Variants in DCDC1 observed in about 807,000 individuals in gnomAD.
DCDC1 encodes the protein doublecortin domain-containing protein 1.
A neutral mutation model predicts 178.3 loss-of-function variants in DCDC1; 200 were observed. The observed-to-expected ratio is 1.12, with a 90% confidence interval of 1.00 to 1.26. The LOEUF (loss-of-function observed/expected upper bound fraction) is 1.26. Among genes scored for constraint, DCDC1 ranks in the 50% most tolerant of loss-of-function variants. The probability of loss-of-function intolerance (pLI) is 0.00; values close to 1 mark genes in which losing one functional copy is unlikely to be tolerated. For missense variants in DCDC1, 1,983 were observed against 1,749.2 expected, an observed-to-expected ratio of 1.13 and a Z score of -2.38; for synonymous variants, 690 against 604.8, an observed-to-expected ratio of 1.14 and a Z score of -2.07.
At chr11:31,179,968 C>A (rs1204516986) in intron 9 of DCDC1, among the ~76,000 whole-genome samples, 1 of 152,136 alleles carries the variant, frequency 6.6e-6, no homozygotes, top group African/African-American at 2.4e-5. Flanking sequence ...CCCAGGAATG[C>A]AAGGGTGATT....
chr11:30,929,714 T>C (rs1946813466), intron 22 of DCDC1, among the ~76,000 whole-genome samples: 1 of 152,076 alleles, frequency 6.6e-6, no homozygotes, highest in South Asian at 2.1e-4. Flanking sequence ...GCCTTTCCTC[T>C]TAAAATTCCT....
chr11:31,124,474 G>A (rs1408225446), intron 11 of DCDC1, among the ~76,000 whole-genome samples: 2 of 151,862 alleles, frequency 1.3e-5, no homozygotes, highest in African/African-American at 2.4e-5. Flanking sequence ...TGTACACTCA[G>A]GACAATCCTA....
intron 7 of DCDC1, among the ~76,000 whole-genome samples, chr11:31,286,019 G>A (rs1946798048): frequency 6.6e-6 from 1 of 151,974 alleles, no homozygotes. Flanking sequence ...GAGAAGTACA[G>A]GAGAACAAGC....
chr11:30,981,824 G>A (rs558492518), intron 20 of DCDC1, among the ~76,000 whole-genome samples: 1 of 152,084 alleles, frequency 6.6e-6, no homozygotes, highest in East Asian at 1.9e-4. Flanking sequence ...TATCCATCTG[G>A]GCTGGAATGC....
At chr11:31,009,551 A>C (rs1952051046) in intron 20 of DCDC1, among the ~76,000 whole-genome samples, 1 of 151,936 alleles carries the variant, frequency 6.6e-6, no homozygotes, top group Non-Finnish European at 1.5e-5. Flanking sequence ...TGGTGTAGTT[A>C]CAGACCAAAT....
chr11:31,307,654 G>T lies in DCDC1; in HGVS notation c.419C>A (p.Pro140Gln). 1 of 1,614,008 alleles carries T rather than the reference G, an allele frequency of 6.2e-7. No individual in the cohort carries two copies. Among genetic ancestry groups the T allele is most frequent in the Non-Finnish European group, 8.5e-7 (1 of 1,179,934 alleles). ...CTTTGATTACCTCAGTTGACCCACT[G>T]GAGCACTGACAGGTCTGTTTCTCTT... ...ASKRNRPVSAPVGQLRVAEFS... is the reference protein window; with the variant it reads ...ASKRNRPVSAQVGQLRVAEFS... The change falls in exon 4 of 39, where the codon CCA becomes CAA. Residue 140 changes from proline (P) to glutamine (Q), a missense_variant. Pro to Gln is a moderately conservative substitution (Grantham distance 76). Transcript: ENST00000684477.
At chr11:31,030,804 C>G (rs1269451164) in intron 20 of DCDC1, among the ~76,000 whole-genome samples, 2 of 151,818 alleles carry the variant, frequency 1.3e-5, no homozygotes, top group East Asian at 3.9e-4. Flanking sequence ...TGAGGACTAA[C>G]TTATTACTGA....
intron 36 of DCDC1, chr11:30,882,271 T>C (rs1475274071): frequency 6.6e-6 from 1 of 152,216 alleles, no homozygotes; most frequent in Non-Finnish European, 1.5e-5. Flanking sequence ...AGAAGAGTGA[T>C]GGGGCGATGC....
At chr11:31,012,815 T>G (rs1333275134) in intron 20 of DCDC1, among the ~76,000 whole-genome samples, 2 of 152,108 alleles carry the variant, frequency 1.3e-5, no homozygotes, top group Non-Finnish European at 2.9e-5. Context: ...AGGAGATTAT[T>G]TATATAAGGT....
intron 20 of DCDC1, among the ~76,000 whole-genome samples, chr11:31,044,456 C>A (rs1193869936): frequency 7.7e-6 from 1 of 130,540 alleles, no homozygotes; most frequent in Non-Finnish European, 1.5e-5. Context: ...CCAGCCTGGG[C>A]GACAGAGCGA....
intron 1 of DCDC1, among the ~76,000 whole-genome samples, chr11:31,340,876 T>C (rs1370620854): frequency 6.6e-6 from 1 of 152,106 alleles, no homozygotes; most frequent in South Asian, 2.1e-4. Flanking sequence ...ATATATGTAT[T>C]GATTACAGAA....
At chr11:30,976,359 G>A (rs1450365847) in intron 20 of DCDC1, among the ~76,000 whole-genome samples, 1 of 152,072 alleles carries the variant, frequency 6.6e-6, no homozygotes, top group Admixed American at 6.6e-5. Flanking sequence ...AAAAGCTTCT[G>A]CACAGCAAAG....
At chr11:31,212,074 C>A (rs1456062265) in intron 9 of DCDC1, among the ~76,000 whole-genome samples, 1 of 138,762 alleles carries the variant, frequency 7.2e-6, no homozygotes, top group Non-Finnish European at 1.5e-5. Flanking sequence ...CAGAGCGAGA[C>A]TCAGTCTCAA....
intron 20 of DCDC1, among the ~76,000 whole-genome samples, chr11:30,985,584 A>C (rs1950598388): frequency 6.6e-6 from 1 of 152,182 alleles, no homozygotes; most frequent in Admixed American, 6.5e-5. Flanking sequence ...CAAACAGAAG[A>C]TAGACTATTT....
chr11:31,015,097 C>A (rs534267240), intron 20 of DCDC1, among the ~76,000 whole-genome samples: 9 of 152,022 alleles, frequency 5.9e-5, no homozygotes, highest in Non-Finnish European at 1.3e-4. Context: ...CAGGCGCCTG[C>A]CACCATGCCC....
intron 20 of DCDC1, among the ~76,000 whole-genome samples, chr11:30,970,749 C>T (rs1174964229): frequency 6.6e-6 from 1 of 152,204 alleles, no homozygotes. Flanking sequence ...GGCCACAGCA[C>T]AGCCACTGAT....
intron 15 of DCDC1, among the ~76,000 whole-genome samples, chr11:31,099,871 A>G (rs969704077): frequency 2.0e-5 from 3 of 151,950 alleles, no homozygotes; most frequent in African/African-American, 4.8e-5. Flanking sequence ...GGCATGCACC[A>G]CCACACCCAG....
chr11:31,263,649 A>G (rs1944947691), intron 8 of DCDC1, among the ~76,000 whole-genome samples: 1 of 152,238 alleles, frequency 6.6e-6, no homozygotes, highest in Non-Finnish European at 1.5e-5. Flanking sequence ...TAGAAACAAT[A>G]AGTATCAAAC....
intron 18 of DCDC1, among the ~76,000 whole-genome samples, chr11:31,067,165 G>C (rs933967640): frequency 4.6e-5 from 7 of 152,054 alleles, no homozygotes; most frequent in African/African-American, 1.7e-4. Context: ...ACAACCTACA[G>C]AATGAGACAA....
Sources: allele counts gnomAD v4.1 joint callset (sites outside exome capture counted in the v4.1 genomes callset), GRCh38; gene constraint gnomAD v4.1.1; transcripts MANE v1.5; gene names NCBI Gene and HGNC (gene_info 2026-07-23, HGNC 2026-07-21).